Variants in FAM184B observed in about 807,000 individuals in gnomAD.
The protein encoded by FAM184B is protein FAM184B.
A neutral mutation model predicts 135.9 loss-of-function variants in FAM184B; 111 were observed. The observed-to-expected ratio is 0.82, with a 90% CI of 0.70 to 0.96. The LOEUF (loss-of-function observed/expected upper bound fraction) is 0.96. Among genes scored for constraint, FAM184B ranks in the 40% least tolerant of loss-of-function variants. The pLI, the probability that FAM184B is intolerant of heterozygous loss-of-function variation, is 0.00. For synonymous variants in FAM184B, 552 were observed against 524.8 expected, an observed-to-expected ratio of 1.05 and a Z score of -0.71; for missense variants, 1,375 against 1,323.9, an observed-to-expected ratio of 1.04 and a Z score of -0.60.
chr4:17,774,979 A>G (rs1718894619), intron 1 of FAM184B, among the ~76,000 whole-genome samples: 1 of 146,232 alleles, frequency 6.8e-6, no homozygotes, highest in Admixed American at 6.9e-5. Context: ...TAAGAATAAG[A>G]TATTTTCCTT....
intron 11 of FAM184B, among the ~76,000 whole-genome samples, chr4:17,651,568 A>C (rs1248185602): frequency 6.6e-6 from 1 of 150,808 alleles, no homozygotes; most frequent in East Asian, 1.9e-4. Context: ...AAAAAAGAAG[A>C]AAAGAAACAT....
At chr4:17,744,972 A>C (rs1718128845) in intron 1 of FAM184B, among the ~76,000 whole-genome samples, 1 of 152,212 alleles carries the variant, frequency 6.6e-6, no homozygotes, top group Non-Finnish European at 1.5e-5. Flanking sequence ...GCACAGAGCC[A>C]CTGGGACCTC....
chr4:17,707,631 C>T lies in FAM184B; in HGVS notation c.1030+18G>A, dbSNP rs1214836027. 5 of 1,550,912 alleles carry T rather than the reference C, an allele frequency of 3.2e-6. No homozygotes were observed. In the Admixed American group the frequency reaches 7.8e-5, roughly 24 times the overall value. On this transcript the variant is annotated intron_variant, in intron 3 of 17. Transcript: ENST00000265018. ...CTAACCTTGGGTCTTTTAAGGAAATCATTCCAGGGCATCTCACCTGTCTGC... is the reference window on the plus strand; with the variant it reads ...CTAACCTTGGGTCTTTTAAGGAAATTATTCCAGGGCATCTCACCTGTCTGC...
At chr4:17,692,689 G>A (rs1210982872) in intron 6 of FAM184B, among the ~76,000 whole-genome samples, 1 of 152,178 alleles carries the variant, frequency 6.6e-6, no homozygotes, top group African/African-American at 2.4e-5. Context: ...AAGCAGGTGG[G>A]AGACACAGGT....
intron 1 of FAM184B, among the ~76,000 whole-genome samples, chr4:17,769,481 G>C (rs1334241035): frequency 4.6e-5 from 7 of 151,996 alleles, no homozygotes; most frequent in Non-Finnish European, 8.8e-5. Context: ...AAGGAATTTG[G>C]ATCTGATCAA....
At chr4:17,760,369 C>T (rs1230419665) in intron 1 of FAM184B, among the ~76,000 whole-genome samples, 1 of 151,594 alleles carries the variant, frequency 6.6e-6, no homozygotes, top group Non-Finnish European at 1.5e-5. Context: ...GTTGCTGAGG[C>T]AGGAGAATTG....
At chr4:17,726,088 T>A (rs1242210207) in intron 1 of FAM184B, among the ~76,000 whole-genome samples, 1 of 151,972 alleles carries the variant, frequency 6.6e-6, no homozygotes. Context: ...CACGCCCAGC[T>A]AATTTTTTCG....
intron 3 of FAM184B, among the ~76,000 whole-genome samples, chr4:17,707,378 T>C (rs373670318): frequency 2.0e-5 from 3 of 152,166 alleles, no homozygotes; most frequent in Admixed American, 6.6e-5. Flanking sequence ...TCAGGCACTG[T>C]GGTGAGCCTG....
intron 11 of FAM184B, among the ~76,000 whole-genome samples, chr4:17,651,097 A>G (rs965726565): frequency 1.3e-5 from 2 of 152,154 alleles, no homozygotes; most frequent in Non-Finnish European, 2.9e-5. Flanking sequence ...TAAAGCCAAC[A>G]TGATCTTTAG....
At chr4:17,700,009 A>G (rs1254726622) in intron 5 of FAM184B, among the ~76,000 whole-genome samples, 1 of 152,196 alleles carries the variant, frequency 6.6e-6, no homozygotes, top group African/African-American at 2.4e-5. Context: ...TTAAAGGTGC[A>G]TATTCCAAAT....
intron 1 of FAM184B, among the ~76,000 whole-genome samples, chr4:17,766,765 G>C (rs1201949432): frequency 6.6e-6 from 1 of 152,254 alleles, no homozygotes; most frequent in Non-Finnish European, 1.5e-5. Flanking sequence ...TCCCGCACCG[G>C]GGCAGCAGGC....
chr4:17,682,022 C>A (rs936951786), intron 7 of FAM184B, among the ~76,000 whole-genome samples: 20 of 152,194 alleles, frequency 1.3e-4, no homozygotes, highest in African/African-American at 4.3e-4. Flanking sequence ...GATTGGGCCT[C>A]ATTCTCCTGG....
intron 5 of FAM184B, 93 bp downstream of exon 5, chr4:17,704,907 G>T: frequency 1.8e-6 from 2 of 1,113,750 alleles, no homozygotes; most frequent in Non-Finnish European, 2.6e-6. Flanking sequence ...CTCAGTAAAT[G>T]TTTGAGGAAG....
intron 12 of FAM184B, among the ~76,000 whole-genome samples, chr4:17,646,108 G>A (rs1715459986): frequency 6.6e-6 from 1 of 152,182 alleles, no homozygotes; most frequent in African/African-American, 2.4e-5. Context: ...TGGAGAAATA[G>A]GAACACTTTG....
chr4:17,664,483 A>C, intron 8 of FAM184B, 79 bp downstream of exon 8: 1 of 1,126,780 alleles, frequency 8.9e-7, no homozygotes, highest in Non-Finnish European at 1.3e-6. Context: ...TTGAGGATAG[A>C]ATGAATGAAT....
chr4:17,759,317 T>C (rs1718490595), intron 1 of FAM184B, among the ~76,000 whole-genome samples: 1 of 152,154 alleles, frequency 6.6e-6, no homozygotes, highest in Non-Finnish European at 1.5e-5. Flanking sequence ...CCTCCCACTT[T>C]GTTCTCTTTT....
chr4:17,643,488 C>A (rs1426804974), intron 12 of FAM184B, among the ~76,000 whole-genome samples: 1 of 152,002 alleles, frequency 6.6e-6, no homozygotes, highest in Non-Finnish European at 1.5e-5. Flanking sequence ...TGGCTTCTAT[C>A]CAGAGCCCTC....
chr4:17,646,627 G>GT (rs1553829031), intron 12 of FAM184B, among the ~76,000 whole-genome samples: 3 of 152,044 alleles, frequency 2.0e-5, no homozygotes, highest in Non-Finnish European at 4.4e-5. Flanking sequence ...TATACCTAAT[G>GT]TAAATGACGA....
chr4:17,636,710 A>G, intron 14 of FAM184B, 65 bp from the exon 15 acceptor site: 1 of 1,294,830 alleles, frequency 7.7e-7, no homozygotes, highest in Non-Finnish European at 1.1e-6. Flanking sequence ...AGGGAGAACA[A>G]GTGCACACGA....
Sources: allele counts gnomAD v4.1 joint callset (sites outside exome capture counted in the v4.1 genomes callset), GRCh38; gene constraint gnomAD v4.1.1; transcripts MANE v1.5; gene names NCBI Gene and HGNC (gene_info 2026-07-23, HGNC 2026-07-21).